The following FJX1 variants were observed in gnomAD, a reference collection of about 807,000 sequenced individuals.
The protein encoded by FJX1 is four-jointed box kinase 1, also known as four-jointed box protein 1.
In FJX1, 21 loss-of-function variants were observed where a neutral mutation model predicts 28.7. The ratio of observed to expected loss-of-function variants is 0.73; its 90% confidence interval spans 0.52 to 1.05. The LOEUF (loss-of-function observed/expected upper bound fraction) is 1.05. Ranked by LOEUF, FJX1 falls within the 50% of genes least tolerant of loss-of-function variation. The pLI, the probability that FJX1 is intolerant of heterozygous loss-of-function variation, is 0.00. For synonymous variants in FJX1, 363 were observed against 310.0 expected (o/e 1.17, Z -1.80); for missense variants, 683 against 647.2 (o/e 1.06, Z -0.60).
At position 35,619,634 on chromosome 11, in the gene FJX1, C is replaced by A; in HGVS notation, c.998C>A (p.Ala333Glu). The change falls in exon 1 of 1, where the codon GCG (alanine) becomes GAG (glutamate). Residue 333 changes from alanine (A) to glutamate (E), a missense_variant. Ala to Glu is a moderately radical substitution (Grantham distance 107, BLOSUM62 -1). Transcript: ENST00000317811. This position sits in a 1 kb window ranked among gnomAD's most constrained non-coding sequence, Gnocchi z 7.6. ...TSNLHRGPGG[A>E]LVFLDNEAGL... ...AACCTGCACCGCGGTCCGGGCGGGG[C>A]GCTGGTCTTTCTGGACAATGAGGCG... The A allele has an allele frequency of 6.2e-7, 1 of 1,610,860 alleles. No individual in the cohort carries two copies.
At position 35,618,885 on chromosome 11, in the gene FJX1, G is replaced by A; in HGVS notation, c.249G>A (p.Leu83=). 3 of 1,382,414 alleles carry A rather than the reference G, an allele frequency of 2.2e-6. No individual in the cohort carries two copies. The highest frequency in any genetic ancestry group is 3.2e-5 in the Admixed American group (1 of 31,630). 85.6% of individuals were successfully genotyped at this position (1,382,414 alleles called of 1,614,324 possible). A position where few individuals can be genotyped will look rare whatever the true frequency, so the allele number is the denominator to read the frequency against. Residue 83 remains leucine, a synonymous_variant, in exon 1 of 1, where the codon CTG becomes CTA. Coordinates refer to ENST00000317811, the MANE Select transcript of FJX1 (RefSeq NM_014344.4). This position sits in a 1 kb window ranked among gnomAD's most constrained non-coding sequence, Gnocchi z 4.2. ...RGGSLKTFRA[L]LTLAAGADGP... ...GCTCCCTGAAAACTTTCCGGGCGCTGCTCACCCTGGCGGCCGGCGCGGACG... is the reference window on the plus strand; with the variant it reads ...GCTCCCTGAAAACTTTCCGGGCGCTACTCACCCTGGCGGCCGGCGCGGACG...
chr11:35,618,920 G>A lies in FJX1; in HGVS notation c.284G>A (p.Arg95Gln), dbSNP rs1458613826. The A allele has an allele frequency of 7.0e-7, 1 of 1,422,644 alleles. No homozygotes were observed. The highest frequency in any genetic ancestry group is 1.4e-5 in the South Asian group (1 of 69,172). The allele number at this position is 1,422,644 out of a possible 1,614,324, so 88.1% of individuals were successfully genotyped here. A position where few individuals can be genotyped will look rare whatever the true frequency, so the allele number is the denominator to read the frequency against. Residue 95 changes from arginine (R) to glutamine (Q), a missense_variant, in exon 1 of 1, where the codon CGG becomes CAG. Transcript: ENST00000317811. The surrounding 1 kb of genome is among the most constrained non-coding windows in gnomAD (Gnocchi z 4.2). ...GCGGCCGGCGCGGACGGCCCGCCCC[G>A]GCAGTCCCGGAGCGAGCCCAGGTGG... ...TLAAGADGPP[R>Q]QSRSEPRWHV...
chr11:35,618,778 C>G lies in FJX1; in HGVS notation c.142C>G (p.Arg48Gly), dbSNP rs1234573056. 2 of 1,254,404 alleles carry G rather than the reference C, an allele frequency of 1.6e-6. No individual in the cohort carries two copies. The highest frequency in any genetic ancestry group is 3.7e-5 in the Admixed American group (1 of 27,192). The allele number at this position is 1,254,404 out of a possible 1,614,324, so 77.7% of individuals were successfully genotyped here. Residue 48 changes from arginine (R) to glycine (G), a missense_variant, in exon 1 of 1, where the codon CGG becomes GGG. Arg to Gly is a moderately radical substitution (Grantham distance 125, BLOSUM62 -2). Transcript: ENST00000317811. This position sits in a 1 kb window ranked among gnomAD's most constrained non-coding sequence, Gnocchi z 4.2. Reference sequence around the variant, plus strand: ...CCGGCCGCCCGAAGACCGACTCCCACGGCGCCCGGCCCGGAGCGGCGGCCC... The same window carrying G: ...CCGGCCGCCCGAAGACCGACTCCCAGGGCGCCCGGCCCGGAGCGGCGGCCC... The part of the protein sequence containing the change: ...ASRPPEDRLP[R>G]RPARSGGPAP...
At position 35,618,532 on chromosome 11, in the gene FJX1, C is replaced by T. The variant is rs1041686688; in HGVS notation, c.-105C>T. Reference sequence around the variant, plus strand: ...GCGGCCGCGATGGGGCCGAAGCGCCCGAAGCCCCGGAGCCCACAAACTGCC... The same window carrying T: ...GCGGCCGCGATGGGGCCGAAGCGCCTGAAGCCCCGGAGCCCACAAACTGCC... On this transcript the variant is annotated 5_prime_UTR_variant, in exon 1 of 1. Transcript: ENST00000317811. This position sits in a 1 kb window ranked among gnomAD's most constrained non-coding sequence, Gnocchi z 4.2. 5 of 1,039,914 alleles carry T rather than the reference C, an allele frequency of 4.8e-6. No individual in the cohort carries two copies. In the African/African-American group the frequency reaches 8.6e-5, roughly 18 times the overall value. 64.4% of individuals were successfully genotyped at this position (1,039,914 alleles called of 1,614,324 possible). A position where few individuals can be genotyped will look rare whatever the true frequency, so the allele number is the denominator to read the frequency against.
Position 35,619,199 on chromosome 11 carries a change from T to C in FJX1, c.563T>C (p.Ile188Thr), listed in dbSNP as rs1215363975. 1 of 1,588,872 alleles carries C rather than the reference T, an allele frequency of 6.3e-7. No individual in the cohort carries two copies. Among genetic ancestry groups the C allele is most frequent in the Non-Finnish European group, 8.5e-7 (1 of 1,175,962 alleles). ...CGCTACGGCATCAACCCGGAGCAGATTCAGGGCGAGGCCCTGTCTTACTAT... is the reference window on the plus strand; with the variant it reads ...CGCTACGGCATCAACCCGGAGCAGACTCAGGGCGAGGCCCTGTCTTACTAT... ...CVRYGINPEQ[I>T]QGEALSYYLA... Residue 188 changes from isoleucine to threonine, a missense_variant, in exon 1 of 1, where the codon ATT becomes ACT. Transcript: ENST00000317811. The surrounding 1 kb of genome is among the most constrained non-coding windows in gnomAD (Gnocchi z 7.6).
In FJX1 at chr11:35,620,246, G is replaced by A. The variant is rs1850884066; in HGVS notation, c.*296G>A. ...TGGATCCGAAGAAACTGGCTACTGG[G>A]GTTTGGCCCCCGAGTGGCCGTCCCT... On this transcript the variant is annotated 3_prime_UTR_variant, in exon 1 of 1. Coordinates refer to ENST00000317811, the MANE Select transcript of FJX1 (RefSeq NM_014344.4). 2.0e-6 allele frequency: 1 copy of A among 499,264 alleles called. No homozygotes were observed. The highest frequency in any genetic ancestry group is 2.6e-5 in the South Asian group (1 of 38,684). 30.9% of individuals were successfully genotyped at this position (499,264 alleles called of 1,614,324 possible). A position where few individuals can be genotyped will look rare whatever the true frequency, so the allele number is the denominator to read the frequency against.
chr11:35,618,841 G>A lies in FJX1; in HGVS notation c.205G>A (p.Ala69Thr), dbSNP rs1172481762. ...TCGCTTCCCTCTGCCCCCGCCCCTG[G>A]CGTGGGACGCCCGCGGCGGCTCCCT... ...APRFPLPPPL[A>T]WDARGGSLKT... Residue 69 changes from alanine to threonine, a missense_variant, in exon 1 of 1, where the codon GCG becomes ACG. Coordinates refer to ENST00000317811, the MANE Select transcript of FJX1 (RefSeq NM_014344.4). The surrounding 1 kb of genome is among the most constrained non-coding windows in gnomAD (Gnocchi z 4.2). The A allele has an allele frequency of 5.4e-5, 72 of 1,340,556 alleles. No homozygotes were observed. The highest frequency in any genetic ancestry group is 6.9e-5 in the Non-Finnish European group (72 of 1,050,878). The allele number at this position is 1,340,556 out of a possible 1,614,324, so 83.0% of individuals were successfully genotyped here.
At position 35,618,746 on chromosome 11, in the gene FJX1, C is replaced by T. The variant is rs760024909; in HGVS notation, c.110C>T (p.Pro37Leu). The change falls in exon 1 of 1, where the codon CCC becomes CTC. Residue 37 changes from proline (P) to leucine (L), a missense_variant. Transcript: ENST00000317811. This position sits in a 1 kb window ranked among gnomAD's most constrained non-coding sequence, Gnocchi z 4.2. Reference sequence around the variant, plus strand: ...CTCCTGCCGCCGCGGACCGAGCTGCCCGCCTCCCGGCCGCCCGAAGACCGA... The same window carrying T: ...CTCCTGCCGCCGCGGACCGAGCTGCTCGCCTCCCGGCCGCCCGAAGACCGA... ...GGLLPPRTEL[P>L]ASRPPEDRLP... 2.4e-6 allele frequency: 3 copies of T among 1,260,998 alleles called. No homozygotes were observed. The highest frequency in any genetic ancestry group is 3.2e-5 in the Admixed American group (1 of 30,982). The allele number at this position is 1,260,998 out of a possible 1,614,324, so 78.1% of individuals were successfully genotyped here. A position where few individuals can be genotyped will look rare whatever the true frequency, so the allele number is the denominator to read the frequency against.
Position 35,618,928 on chromosome 11 carries a change from C to G in FJX1, c.292C>G (p.Arg98Gly), listed in dbSNP as rs910172747. Residue 98 changes from arginine to glycine, a missense_variant, in exon 1 of 1, where the codon CGG becomes GGG. Arg to Gly is a moderately radical substitution (Grantham distance 125, BLOSUM62 -2). Coordinates refer to ENST00000317811, the MANE Select transcript of FJX1 (RefSeq NM_014344.4). The surrounding 1 kb of genome is among the most constrained non-coding windows in gnomAD (Gnocchi z 4.2). Reference sequence around the variant, plus strand: ...CGCGGACGGCCCGCCCCGGCAGTCCCGGAGCGAGCCCAGGTGGCACGTGTC... The same window carrying G: ...CGCGGACGGCCCGCCCCGGCAGTCCGGGAGCGAGCCCAGGTGGCACGTGTC... ...AGADGPPRQS[R>G]SEPRWHVSAR... The G allele has an allele frequency of 2.1e-6, 3 of 1,457,170 alleles. No homozygotes were observed. Among genetic ancestry groups the G allele is most frequent in the Admixed American group, 2.6e-5 (1 of 39,132 alleles). 90.3% of individuals were successfully genotyped at this position (1,457,170 alleles called of 1,614,324 possible). A position where few individuals can be genotyped will look rare whatever the true frequency, so the allele number is the denominator to read the frequency against.
Position 35,618,986 on chromosome 11 carries a change from C to G in FJX1, c.350C>G (p.Ala117Gly), listed in dbSNP as rs1485502988. ...CAGCCCCGGCCGGAGGAGAGCGCCG[C>G]GGTGCACGGGGGCGTCTTCTGGAGC... ...ARQPRPEESA[A>G]VHGGVFWSRG... is the part of the protein sequence containing the mutation. The change falls in exon 1 of 1, where the codon GCG becomes GGG. Residue 117 changes from alanine (A) to glycine (G), a missense_variant. Ala to Gly is a moderately conservative substitution (Grantham distance 60). Coordinates refer to ENST00000317811, the MANE Select transcript of FJX1 (RefSeq NM_014344.4). This position sits in a 1 kb window ranked among gnomAD's most constrained non-coding sequence, Gnocchi z 4.2. 6.8e-7 allele frequency: 1 copy of G among 1,476,028 alleles called. No homozygotes were observed. Among genetic ancestry groups the G allele is most frequent in the Admixed American group, 2.4e-5 (1 of 41,442 alleles). 91.4% of individuals were successfully genotyped at this position (1,476,028 alleles called of 1,614,324 possible).
chr11:35,619,997 A>T lies in FJX1; in HGVS notation c.*47A>T. 2 of 1,556,192 alleles carry T rather than the reference A, an allele frequency of 1.3e-6. No homozygotes were observed. Among genetic ancestry groups the T allele is most frequent in the Admixed American group, 1.9e-5 (1 of 51,496 alleles). ...GAGATCTGGGGCTGGGGTATGGATG[A>T]TGGGGGGAAGGGCGGTCGCCTCTGC... On this transcript the variant is annotated 3_prime_UTR_variant, in exon 1 of 1. Transcript: ENST00000317811. This position sits in a 1 kb window ranked among gnomAD's most constrained non-coding sequence, Gnocchi z 7.6.
rs964441932 is a variant in FJX1, at chr11:35,620,120, T to G, written c.*170T>G. ...CCCTTTCTTTCAATCCCACGCTGTT[T>G]CCTTTCAAAGTTCTGGGAGGACGAA... On this transcript the variant is annotated 3_prime_UTR_variant, in exon 1 of 1. Coordinates refer to ENST00000317811, the MANE Select transcript of FJX1 (RefSeq NM_014344.4). 8.6e-6 allele frequency: 9 copies of G among 1,044,750 alleles called. No individual in the cohort carries two copies. The highest frequency in any genetic ancestry group is 3.3e-5 in the African/African-American group (2 of 61,260). The allele number at this position is 1,044,750 out of a possible 1,614,324, so 64.7% of individuals were successfully genotyped here.
Position 35,618,998 on chromosome 11 carries a change from G to A in FJX1, c.362G>A (p.Gly121Asp), listed in dbSNP as rs1421539781. ...GAGGAGAGCGCCGCGGTGCACGGGG[G>A]CGTCTTCTGGAGCCGCGGCCTGGAG... ...RPEESAAVHGGVFWSRGLEEQ... is the reference protein window; with the variant it reads ...RPEESAAVHGDVFWSRGLEEQ... The change falls in exon 1 of 1, where the codon GGC (glycine) becomes GAC (aspartate). Residue 121 changes from glycine to aspartate, a missense_variant. By Grantham distance (94) the Gly-to-Asp change is moderately conservative. Coordinates refer to ENST00000317811, the MANE Select transcript of FJX1 (RefSeq NM_014344.4). The surrounding 1 kb of genome is among the most constrained non-coding windows in gnomAD (Gnocchi z 4.2). 5.4e-6 allele frequency: 8 copies of A among 1,474,330 alleles called. No individual in the cohort carries two copies. Among genetic ancestry groups the A allele is most frequent in the Middle Eastern group, 2.3e-4 (1 of 4,290 alleles). The allele number at this position is 1,474,330 out of a possible 1,614,324, so 91.3% of individuals were successfully genotyped here. A position where few individuals can be genotyped will look rare whatever the true frequency, so the allele number is the denominator to read the frequency against.
In FJX1 at chr11:35,620,214, C is replaced by A. The variant is rs909168704; in HGVS notation, c.*264C>A. ...AAAAGGATTCTTTACTGTGCCAGCA[C>A]GGGGATTGGATCCGAAGAAACTGGC... On this transcript the variant is annotated 3_prime_UTR_variant, in exon 1 of 1. Coordinates refer to ENST00000317811, the MANE Select transcript of FJX1 (RefSeq NM_014344.4). The A allele has an allele frequency of 5.2e-6, 3 of 572,920 alleles. No individual in the cohort carries two copies. The highest frequency in any genetic ancestry group is 9.1e-6 in the Non-Finnish European group (3 of 328,550). 35.5% of individuals were successfully genotyped at this position (572,920 alleles called of 1,614,324 possible).
chr11:35,620,048 G>C lies in FJX1; in HGVS notation c.*98G>C. 1 of 1,507,464 alleles carries C rather than the reference G, an allele frequency of 6.6e-7. No individual in the cohort carries two copies. The allele number at this position is 1,507,464 out of a possible 1,614,324, so 93.4% of individuals were successfully genotyped here. A position where few individuals can be genotyped will look rare whatever the true frequency, so the allele number is the denominator to read the frequency against. ...CACTGTCAGGGACCAGCCGGCCAACGCCCACCCGCAAAGGTGTCTAAAAAC... is the reference window on the plus strand; with the variant it reads ...CACTGTCAGGGACCAGCCGGCCAACCCCCACCCGCAAAGGTGTCTAAAAAC... On this transcript the variant is annotated 3_prime_UTR_variant, in exon 1 of 1. Coordinates refer to ENST00000317811, the MANE Select transcript of FJX1 (RefSeq NM_014344.4).
Position 35,619,004 on chromosome 11 carries a change from T to C in FJX1, c.368T>C (p.Phe123Ser). The C allele has an allele frequency of 6.8e-7, 1 of 1,472,244 alleles. No homozygotes were observed. Among genetic ancestry groups the C allele is most frequent in the Non-Finnish European group, 8.9e-7 (1 of 1,122,836 alleles). The allele number at this position is 1,472,244 out of a possible 1,614,324, so 91.2% of individuals were successfully genotyped here. The stretch of plus-strand genomic sequence containing the variant: ...AGCGCCGCGGTGCACGGGGGCGTCT[T>C]CTGGAGCCGCGGCCTGGAGGAGCAG... ...EESAAVHGGVFWSRGLEEQVP... is the reference protein window; with the variant it reads ...EESAAVHGGVSWSRGLEEQVP... The change falls in exon 1 of 1, where the codon TTC (phenylalanine) becomes TCC (serine). Residue 123 changes from phenylalanine to serine, a missense_variant. Phe to Ser is a radical substitution (Grantham distance 155, BLOSUM62 -2). Transcript: ENST00000317811. This position sits in a 1 kb window ranked among gnomAD's most constrained non-coding sequence, Gnocchi z 7.6.
Position 35,618,491 on chromosome 11 carries a change from AGCCCCGCAGC to A in FJX1, c.-138_-129del, listed in dbSNP as rs1287048391. The A allele has an allele frequency of 6.8e-6, 5 of 730,328 alleles. No individual in the cohort carries two copies. The highest frequency in any genetic ancestry group is 5.2e-6 in the Non-Finnish European group (3 of 581,838). The allele number at this position is 730,328 out of a possible 1,614,324, so 45.2% of individuals were successfully genotyped here. A position where few individuals can be genotyped will look rare whatever the true frequency, so the allele number is the denominator to read the frequency against. ...CAGCGCCGGGCGGAGCGCCGGACAG[AGCCCCGCAGC>A]GCCCCGCGGCCGCGATGGGGCCGAA... On this transcript the variant is annotated 5_prime_UTR_variant, in exon 1 of 1. Transcript: ENST00000317811. This position sits in a 1 kb window ranked among gnomAD's most constrained non-coding sequence, Gnocchi z 4.2.
Position 35,619,443 on chromosome 11 carries a change from G to A in FJX1, c.807G>A (p.Arg269=), listed in dbSNP as rs767277196. ...AGGACGGCCGTCTGCGCCCCCTCCG[G>A]GATGCCGGGGGTGAGCTGGCCAACC... is the stretch of plus-strand genomic sequence containing the variant. The part of the protein sequence containing the change: ...RSEDGRLRPL[R]DAGGELANLS... The change falls in exon 1 of 1, where the codon CGG becomes CGA. Residue 269 remains arginine, a synonymous_variant. Coordinates refer to ENST00000317811, the MANE Select transcript of FJX1 (RefSeq NM_014344.4). This position sits in a 1 kb window ranked among gnomAD's most constrained non-coding sequence, Gnocchi z 7.6. 1 of 1,598,532 alleles carries A rather than the reference G, an allele frequency of 6.3e-7. No individual in the cohort carries two copies. The highest frequency in any genetic ancestry group is 8.5e-7 in the Non-Finnish European group (1 of 1,179,560).
chr11:35,618,944 G>A lies in FJX1; in HGVS notation c.308G>A (p.Trp103Ter), dbSNP rs1315277463. Residue 103 changes from tryptophan (W) to a stop codon, truncating the protein, a stop_gained, in exon 1 of 1, where the codon TGG (tryptophan) becomes TAG (stop). Transcript: ENST00000317811. LOFTEE classifies it high-confidence loss of function. The surrounding 1 kb of genome is among the most constrained non-coding windows in gnomAD (Gnocchi z 4.2). ...CGGCAGTCCCGGAGCGAGCCCAGGT[G>A]GCACGTGTCAGCCAGGCAGCCCCGG... Reference protein sequence around the residue: ...PPRQSRSEPRWHVSARQPRPE... With the variant: ...PPRQSRSEPR The A allele has an allele frequency of 1.4e-6, 2 of 1,469,042 alleles. No homozygotes were observed. Among genetic ancestry groups the A allele is most frequent in the Admixed American group, 4.9e-5 (2 of 40,582 alleles). 91.0% of individuals were successfully genotyped at this position (1,469,042 alleles called of 1,614,324 possible). A position where few individuals can be genotyped will look rare whatever the true frequency, so the allele number is the denominator to read the frequency against.
Sources: allele counts gnomAD v4.1 joint callset, GRCh38; gene constraint gnomAD v4.1.1; non-coding constraint Gnocchi (gnomAD v3.1); transcripts MANE v1.5; gene names NCBI Gene and HGNC (gene_info 2026-07-23, HGNC 2026-07-21).